Variants in OTUD3 observed in about 807,000 individuals in gnomAD.
OTUD3 encodes OTU deubiquitinase 3, also known as OTU domain-containing protein 3.
Under a neutral mutation model 46.2 loss-of-function variants are expected in OTUD3, and 24 were observed. The observed-to-expected ratio is 0.52, with a 90% CI of 0.38 to 0.73. The LOEUF (loss-of-function observed/expected upper bound fraction) is 0.73. Ranked by LOEUF, OTUD3 falls within the 30% of genes least tolerant of loss-of-function variation. The pLI, the probability that OTUD3 is intolerant of heterozygous loss-of-function variation, is 0.00. For missense variants in OTUD3, 455 were observed against 523.3 expected (o/e 0.87, Z 1.27); for synonymous variants, 189 against 195.4 (o/e 0.97, Z 0.27).
intron 7 of OTUD3, 195 bp downstream of exon 7, chr1:19,906,811 T>C (rs2045668083): frequency 2.0e-6 from 1 of 502,298 alleles, no homozygotes; most frequent in Non-Finnish European, 3.5e-6. Context: ...CCGTGACAGT[T>C]GGAAGGAAAT....
In OTUD3 at chr1:19,904,891, G is replaced by A. The variant is rs1311291528; in HGVS notation, c.739G>A (p.Asp247Asn). The A allele has an allele frequency of 2.7e-6, 4 of 1,464,672 alleles. No individual in the cohort carries two copies. Among genetic ancestry groups the A allele is most frequent in the African/African-American group, 1.4e-5 (1 of 70,956 alleles). The allele number at this position is 1,464,672 out of a possible 1,614,324, so 90.7% of individuals were successfully genotyped here. A position where few individuals can be genotyped will look rare whatever the true frequency, so the allele number is the denominator to read the frequency against. Reference protein sequence around the residue: ...QKVCNATGCSDFNLIVQNLEA... With the variant: ...QKVCNATGCSNFNLIVQNLEA... ...TTTTGTTTGTTTGTTTCTTGGATAGGATTTTAATTTAATAGTCCAGAACCT... is the reference window on the plus strand; with the variant it reads ...TTTTGTTTGTTTGTTTCTTGGATAGAATTTTAATTTAATAGTCCAGAACCT... Residue 247 changes from aspartate (D) to asparagine (N), a missense_variant and splice_region_variant, in exon 6 of 8, where the codon GAT becomes AAT. Asp to Asn is a conservative substitution (Grantham distance 23). Coordinates refer to ENST00000375120, the MANE Select transcript of OTUD3 (RefSeq NM_015207.2).
intron 1 of OTUD3, among the ~76,000 whole-genome samples, chr1:19,883,443 G>A (rs184581140): frequency 6.6e-6 from 1 of 152,274 alleles, no homozygotes; most frequent in Admixed American, 6.5e-5. Context: ...AAGGAAAAGG[G>A]TCAGGAAGAG....
At chr1:19,882,874 C>T in intron 1 of OTUD3, 140 bp downstream of exon 1, 1 of 707,876 alleles carries the variant, frequency 1.4e-6, no homozygotes, top group Non-Finnish European at 2.0e-6. Context: ...GCTCCGAGTG[C>T]AGGGCGTCCA....
chr1:19,900,913 T>G (rs921686683), intron 4 of OTUD3, among the ~76,000 whole-genome samples: 5 of 149,704 alleles, frequency 3.3e-5, no homozygotes, highest in African/African-American at 5.0e-5. Context: ...GGTTTTTTTT[T>G]TTGTTTTTTT....
chr1:19,889,366 C>T (rs534941403), intron 1 of OTUD3, among the ~76,000 whole-genome samples: 2 of 152,078 alleles, frequency 1.3e-5, no homozygotes, highest in East Asian at 3.9e-4. Flanking sequence ...TGAAAATTCA[C>T]TTTTCTGAGT....
At chr1:19,889,976 G>C (rs2045424724) in intron 1 of OTUD3, among the ~76,000 whole-genome samples, 2 of 152,230 alleles carry the variant, frequency 1.3e-5, no homozygotes, top group South Asian at 4.1e-4. Context: ...ACTTGTTTTA[G>C]AAAAGAGGCT....
Sources: allele counts gnomAD v4.1 joint callset (sites outside exome capture counted in the v4.1 genomes callset), GRCh38; gene constraint gnomAD v4.1.1; transcripts MANE v1.5; gene names NCBI Gene and HGNC (gene_info 2026-07-23, HGNC 2026-07-21).